TSHZ2: variants seen among roughly 807,000 people sequenced by gnomAD.
The protein encoded by TSHZ2 is teashirt homolog 2.
A neutral mutation model predicts 74.4 loss-of-function variants in TSHZ2; 21 were observed. The ratio of observed to expected loss-of-function variants is 0.28; its 90% CI spans 0.20 to 0.41. The LOEUF (loss-of-function observed/expected upper bound fraction) is 0.41. Among genes scored for constraint, TSHZ2 ranks in the 10% least tolerant of loss-of-function variants. The pLI is 1.00. For synonymous variants in TSHZ2, 540 were observed against 515.3 expected (o/e 1.05, Z -0.65); for missense variants, 1,244 against 1,293.5 (o/e 0.96, Z 0.59).
intron 1 of TSHZ2, among the ~76,000 whole-genome samples, chr20:53,196,028 T>G (rs1311081769): frequency 6.6e-6 from 1 of 152,174 alleles, no homozygotes; most frequent in African/African-American, 2.4e-5. Context: ...AGTCTCGGCT[T>G]CTGCGTCGCA....
intron 2 of TSHZ2, among the ~76,000 whole-genome samples, chr20:53,291,028 T>C (rs1991267741): frequency 6.6e-6 from 1 of 152,188 alleles, no homozygotes; most frequent in South Asian, 2.1e-4. Flanking sequence ...TGCCGACCCA[T>C]GGCCTATGCA....
At chr20:53,106,089 A>G (rs1986355827) in intron 1 of TSHZ2, among the ~76,000 whole-genome samples, 1 of 152,148 alleles carries the variant, frequency 6.6e-6, no homozygotes, top group Admixed American at 6.5e-5. Flanking sequence ...ATATTGTGGG[A>G]GGAGAACCTT....
intron 2 of TSHZ2, among the ~76,000 whole-genome samples, chr20:53,394,680 A>G (rs950126797): frequency 4.0e-5 from 6 of 150,650 alleles, no homozygotes; most frequent in Non-Finnish European, 8.8e-5. Flanking sequence ...GGCCTTATTT[A>G]TATAGCAATG....
chr20:53,356,071 T>C (rs1980835322), intron 2 of TSHZ2, among the ~76,000 whole-genome samples: 1 of 152,214 alleles, frequency 6.6e-6, no homozygotes. Context: ...GGACATTGCA[T>C]TGCAGGCCTG....
chr20:53,305,715 C>T (rs182318334), intron 2 of TSHZ2, among the ~76,000 whole-genome samples: 76 of 152,258 alleles, frequency 5.0e-4, no homozygotes, highest in African/African-American at 1.7e-3. Flanking sequence ...TGCGGTGGCT[C>T]ACTCCGGTAA....
chr20:53,272,750 C>T (rs535361360), intron 2 of TSHZ2, among the ~76,000 whole-genome samples: 10 of 152,200 alleles, frequency 6.6e-5, no homozygotes, highest in East Asian at 1.9e-4. Flanking sequence ...TTTTTGCATC[C>T]GGGGTAAGAA....
intron 1 of TSHZ2, among the ~76,000 whole-genome samples, chr20:53,071,548 G>A (rs944580242): frequency 2.6e-5 from 4 of 152,170 alleles, no homozygotes; most frequent in African/African-American, 9.7e-5. Flanking sequence ...TGAAGATAAA[G>A]GATTGCAAAG....
chr20:53,159,902 T>C (rs1411621779), intron 1 of TSHZ2, among the ~76,000 whole-genome samples: 5 of 152,260 alleles, frequency 3.3e-5, no homozygotes, highest in Non-Finnish European at 5.9e-5. Context: ...ATTGCTCACC[T>C]CTGGTGATAG....
chr20:53,251,947 T>C (rs375016902), intron 1 of TSHZ2, among the ~76,000 whole-genome samples: 2 of 152,218 alleles, frequency 1.3e-5, no homozygotes. Flanking sequence ...CTTGGGTGTC[T>C]GTCCTCACTC....
chr20:53,062,091 G>T (rs1025622719), intron 1 of TSHZ2, among the ~76,000 whole-genome samples: 10 of 152,170 alleles, frequency 6.6e-5, no homozygotes, highest in African/African-American at 2.4e-4. Context: ...ACCTTACCAG[G>T]AAGCAGCTGT....
At chr20:53,352,227 A>C in intron 2 of TSHZ2, among the ~76,000 whole-genome samples, 1 of 132,778 alleles carries the variant, frequency 7.5e-6, no homozygotes, top group African/African-American at 2.8e-5. Flanking sequence ...CCCCTCTCCT[A>C]AGCTCTTTTT....
intron 1 of TSHZ2, among the ~76,000 whole-genome samples, chr20:53,008,520 C>T (rs1011228427): frequency 1.3e-5 from 2 of 150,604 alleles, no homozygotes; most frequent in African/African-American, 2.4e-5. Context: ...TGGATATTTT[C>T]AGCAAAGGGG....
chr20:53,143,436 T>G (rs992315997), intron 1 of TSHZ2, among the ~76,000 whole-genome samples: 6 of 152,052 alleles, frequency 3.9e-5, no homozygotes, highest in Non-Finnish European at 1.5e-5. Flanking sequence ...GCTCACGCCT[T>G]TAATCCCAGC....
chr20:52,990,336 A>G (rs889307362), intron 1 of TSHZ2, among the ~76,000 whole-genome samples: 1 of 151,802 alleles, frequency 6.6e-6, no homozygotes, highest in Non-Finnish European at 1.5e-5. Context: ...TAACCAAAAC[A>G]TTTGCACATA....
chr20:53,066,657 G>A (rs995820998), intron 1 of TSHZ2, among the ~76,000 whole-genome samples: 1 of 152,056 alleles, frequency 6.6e-6, no homozygotes, highest in Admixed American at 6.5e-5. Flanking sequence ...ACAGGTACGC[G>A]CCACAACACC....
chr20:53,360,244 AAGAC>A (rs1253010118), intron 2 of TSHZ2, among the ~76,000 whole-genome samples: 7 of 152,256 alleles, frequency 4.6e-5, no homozygotes, highest in Non-Finnish European at 1.0e-4. Flanking sequence ...AATTCAGTAT[AAGAC>A]AGCATATGTC....
At chr20:53,015,444 A>G (rs1216752686) in intron 1 of TSHZ2, among the ~76,000 whole-genome samples, 1 of 152,150 alleles carries the variant, frequency 6.6e-6, no homozygotes, top group Non-Finnish European at 1.5e-5. Flanking sequence ...CAATACACAG[A>G]ACACCCCCAA....
chr20:53,288,467 TA>T (rs1488987155), intron 2 of TSHZ2, among the ~76,000 whole-genome samples: 17 of 152,296 alleles, frequency 1.1e-4, no homozygotes, highest in South Asian at 2.1e-4. Flanking sequence ...ATATTGACAT[TA>T]AAATTTGTTA....
At chr20:53,030,496 G>T (rs1354502490) in intron 1 of TSHZ2, among the ~76,000 whole-genome samples, 1 of 152,176 alleles carries the variant, frequency 6.6e-6, no homozygotes, top group East Asian at 1.9e-4. Context: ...GTTTTAGGTT[G>T]CTGTATGGAG....
Sources: gnomAD v4.1 joint callset for allele counts (sites outside exome capture counted in the v4.1 genomes callset) on GRCh38, gnomAD v4.1.1 for gene constraint, MANE v1.5 for transcripts, NCBI Gene and HGNC (gene_info 2026-07-23, HGNC 2026-07-21) for gene names.